MAPK10: variants seen among roughly 807,000 people sequenced by gnomAD.
MAPK10 encodes mitogen-activated protein kinase 10.
A neutral mutation model predicts 59.3 loss-of-function variants in MAPK10; 25 were observed. The observed-to-expected ratio is 0.42, with a 90% CI of 0.31 to 0.59. The LOEUF (loss-of-function observed/expected upper bound fraction) is 0.59. Ranked by LOEUF, MAPK10 falls within the 20% of genes least tolerant of loss-of-function variation. MAPK10 has a pLI of 0.15. For synonymous variants in MAPK10, 190 were observed against 200.5 expected, an observed-to-expected ratio of 0.95 and a Z score of 0.44; for missense variants, 351 against 568.9, an observed-to-expected ratio of 0.62 and a Z score of 3.90.
intron 1 of MAPK10, among the ~76,000 whole-genome samples, chr4:86,552,459 AGGAGGGAGGGAGGGAGGGAGGGAG>A (rs1165212307): frequency 3.5e-4 from 12 of 34,562 alleles, no homozygotes; most frequent in Admixed American, 7.3e-4. Context: ...GAAGGAAGGA[AGGAGGGAGGGAGGGAGGGAGGGAG>A]GGAGGGAGGG....
At chr4:86,368,192 T>C (rs1738212825) in intron 1 of MAPK10, among the ~76,000 whole-genome samples, 1 of 152,170 alleles carries the variant, frequency 6.6e-6, no homozygotes, top group Non-Finnish European at 1.5e-5. Flanking sequence ...CTTACTTTTC[T>C]TTTTAACTAA....
At chr4:86,561,786 C>G (rs1334560947) in intron 1 of MAPK10, among the ~76,000 whole-genome samples, 1 of 152,184 alleles carries the variant, frequency 6.6e-6, no homozygotes, top group Non-Finnish European at 1.5e-5. Context: ...ATTGGGGAGA[C>G]AAGAAGCAGA....
At chr4:86,217,753 C>A (rs2088146023) in intron 2 of MAPK10, among the ~76,000 whole-genome samples, 1 of 151,806 alleles carries the variant, frequency 6.6e-6, no homozygotes, top group Non-Finnish European at 1.5e-5. Flanking sequence ...TAATAAGATA[C>A]CTATTTGTAA....
chr4:86,243,107 G>A (rs1180398965), intron 2 of MAPK10, among the ~76,000 whole-genome samples: 2 of 152,160 alleles, frequency 1.3e-5, no homozygotes, highest in African/African-American at 2.4e-5. Context: ...CATGGCTCAC[G>A]CCAGATTTCT....
chr4:86,375,530 G>A (rs2148996765), intron 1 of MAPK10, among the ~76,000 whole-genome samples: 1 of 151,980 alleles, frequency 6.6e-6, no homozygotes, highest in Non-Finnish European at 1.5e-5. Flanking sequence ...AGACAAGTCT[G>A]GACAACATGG....
intron 1 of MAPK10, among the ~76,000 whole-genome samples, chr4:86,401,840 A>C (rs1210439699): frequency 6.6e-6 from 1 of 152,196 alleles, no homozygotes; most frequent in Non-Finnish European, 1.5e-5. Context: ...AGAACCACTG[A>C]AATATGTATT....
intron 2 of MAPK10, among the ~76,000 whole-genome samples, chr4:86,293,208 ACTTTG>A: frequency 2.0e-5 from 3 of 152,228 alleles, no homozygotes; most frequent in African/African-American, 7.2e-5. Context: ...AGAATTTCAA[ACTTTG>A]AGGTACAGGA....
chr4:86,551,328 C>G (rs977357411), intron 1 of MAPK10, among the ~76,000 whole-genome samples: 22 of 152,110 alleles, frequency 1.4e-4, no homozygotes, highest in African/African-American at 5.3e-4. Flanking sequence ...GCCAATGAAA[C>G]TAGGCAAAAT....
At chr4:86,442,098 T>C (rs532830926) in intron 1 of MAPK10, among the ~76,000 whole-genome samples, 2 of 152,296 alleles carry the variant, frequency 1.3e-5, no homozygotes, top group South Asian at 4.1e-4. Flanking sequence ...CTCTTGATCA[T>C]CTGATCACCA....
At chr4:86,460,344 C>T (rs980431668) in intron 1 of MAPK10, among the ~76,000 whole-genome samples, 3 of 152,114 alleles carry the variant, frequency 2.0e-5, no homozygotes, top group African/African-American at 7.2e-5. Context: ...AAGGCAGGGC[C>T]AGGAGAGAAG....
chr4:86,196,835 G>A (rs1582555341), intron 2 of MAPK10, among the ~76,000 whole-genome samples: 1 of 152,098 alleles, frequency 6.6e-6, no homozygotes, highest in Admixed American at 6.5e-5. Context: ...CTCATGGCTT[G>A]TTTTTGGCAG....
At chr4:86,425,924 T>C (rs1203266815) in intron 1 of MAPK10, among the ~76,000 whole-genome samples, 2 of 152,186 alleles carry the variant, frequency 1.3e-5, no homozygotes, top group Non-Finnish European at 2.9e-5. Context: ...TGAGCCGAGA[T>C]TGAGCCACTG....
intron 3 of MAPK10, among the ~76,000 whole-genome samples, chr4:86,163,896 C>T (rs2070728229): frequency 6.6e-6 from 1 of 152,160 alleles, no homozygotes; most frequent in African/African-American, 2.4e-5. Context: ...AATTCAATTG[C>T]TAGCCTATAG....
intron 2 of MAPK10, among the ~76,000 whole-genome samples, chr4:86,216,434 A>G (rs550251059): frequency 1.3e-4 from 19 of 151,724 alleles, no homozygotes; most frequent in African/African-American, 4.1e-4. Context: ...ACTCAATTGT[A>G]CAATTAAAAA....
intron 4 of MAPK10, among the ~76,000 whole-genome samples, chr4:86,146,417 G>A (rs191803182): frequency 1.7e-4 from 26 of 152,286 alleles, no homozygotes; most frequent in African/African-American, 6.0e-4. Context: ...GATTTAGGAG[G>A]ATGATAGACA....
chr4:86,059,652 A>G (rs1466968343), intron 11 of MAPK10, among the ~76,000 whole-genome samples: 1 of 152,138 alleles, frequency 6.6e-6, no homozygotes, highest in Non-Finnish European at 1.5e-5. Flanking sequence ...TGAAAAAATA[A>G]CAAGCAAGCT....
At chr4:86,507,965 T>G (rs1242139985) in intron 1 of MAPK10, among the ~76,000 whole-genome samples, 1 of 151,976 alleles carries the variant, frequency 6.6e-6, no homozygotes, top group Non-Finnish European at 1.5e-5. Flanking sequence ...CCAGCAATTG[T>G]CTGTCAGCCT....
intron 1 of MAPK10, among the ~76,000 whole-genome samples, chr4:86,420,309 G>A (rs1433745714): frequency 6.6e-6 from 1 of 152,094 alleles, no homozygotes. Flanking sequence ...ATCTTACTCA[G>A]AAATGAACCA....
chr4:86,201,136 C>T (rs552316371), intron 2 of MAPK10, among the ~76,000 whole-genome samples: 5 of 151,922 alleles, frequency 3.3e-5, no homozygotes, highest in African/African-American at 9.6e-5. Flanking sequence ...CTTCACATAA[C>T]GTCCTCCAGT....
Sources: allele counts gnomAD v4.1 joint callset (sites outside exome capture counted in the v4.1 genomes callset), GRCh38; gene constraint gnomAD v4.1.1; transcripts MANE v1.5; gene names NCBI Gene and HGNC (gene_info 2026-07-23, HGNC 2026-07-21).